Variants in ARHGEF16 observed in about 807,000 individuals in gnomAD.
ARHGEF16 encodes the protein Rho guanine exchange factor (GEF) 16.
ARHGEF16 carries 59 observed loss-of-function variants against 74.1 expected under a neutral mutation model. That is an observed-to-expected ratio of 0.80 (90% CI 0.65 to 0.99). The LOEUF (loss-of-function observed/expected upper bound fraction) is 0.99. Ranked by LOEUF, ARHGEF16 falls within the 50% of genes least tolerant of loss-of-function variation. The pLI, the probability that ARHGEF16 is intolerant of heterozygous loss-of-function variation, is 0.00. For synonymous variants in ARHGEF16, 415 were observed against 412.6 expected, an observed-to-expected ratio of 1.01 and a Z score of -0.07; for missense variants, 948 against 986.6, an observed-to-expected ratio of 0.96 and a Z score of 0.52.
intron 4 of ARHGEF16, 155 bp from the exon 5 acceptor site, chr1:3,468,725 G>T: frequency 1.3e-6 from 1 of 770,650 alleles, no homozygotes; most frequent in South Asian, 1.7e-5. Context: ...ATAGGCCCTC[G>T]GCAGGACAGG....
Position 3,475,950 on chromosome 1 carries a change from A to T in ARHGEF16, c.1381-20A>T. 6.5e-7 allele frequency: 1 copy of T among 1,547,286 alleles called. No individual in the cohort carries two copies. The highest frequency in any genetic ancestry group is 1.2e-5 in the South Asian group (1 of 83,540). On this transcript the variant is annotated intron_variant, in intron 9 of 14. Transcript: ENST00000378378. ...GGGCCCTGTAGCACCAGCCTCTCAC[A>T]CGGGAACCATGCCCTGCAGCTGGTG... is the stretch of plus-strand genomic sequence containing the variant.
At chr1:3,458,812 C>A (rs1315375393) in intron 1 of ARHGEF16, among the ~76,000 whole-genome samples, 1 of 152,202 alleles carries the variant, frequency 6.6e-6, no homozygotes, top group African/African-American at 2.4e-5. Flanking sequence ...GTAATCCTTC[C>A]TCTCTAAGAC....
rs1186133920 is a variant in ARHGEF16, at chr1:3,477,968, CGGCCAACGTGCTACCTTTTCCTGTT to C, written c.1568_1592del (p.Arg523ProfsTer7). 11 of 1,612,602 alleles carry C rather than the reference CGGCCAACGTGCTACCTTTTCCTGTT, an allele frequency of 6.8e-6. No individual in the cohort carries two copies. Among genetic ancestry groups the C allele is most frequent in the Non-Finnish European group, 9.3e-6 (11 of 1,179,930 alleles). On this transcript the variant is annotated frameshift_variant, in exon 11 of 15. Transcript: ENST00000378378. LOFTEE classifies it high-confidence loss of function. ...CGGACTTTTTCGAAAAATTGCCAGCCGGCCAACGTGCTACCTTTTCCTGTTCAACGATGTCCTGGTTGTGACCAAG... is the reference window on the plus strand; with the variant it reads ...CGGACTTTTTCGAAAAATTGCCAGCCCAACGATGTCCTGGTTGTGACCAAG...
chr1:3,455,698 G>A (rs1639251622), intron 1 of ARHGEF16, among the ~76,000 whole-genome samples: 1 of 152,144 alleles, frequency 6.6e-6, no homozygotes, highest in South Asian at 2.1e-4. Context: ...CTGGCTGGGG[G>A]TCCAGCAAGA....
intron 6 of ARHGEF16, 141 bp downstream of exon 6, chr1:3,469,734 C>T: frequency 1.7e-6 from 2 of 1,211,996 alleles, no homozygotes; most frequent in Non-Finnish European, 2.3e-6. Flanking sequence ...CTGCTGGCTC[C>T]CGCGGAGTGT....
At chr1:3,461,029 C>A (rs986229989) in intron 1 of ARHGEF16, among the ~76,000 whole-genome samples, 2 of 152,158 alleles carry the variant, frequency 1.3e-5, no homozygotes, top group Admixed American at 6.5e-5. Context: ...AACCTCCCTG[C>A]AGGAAGTGAC....
chr1:3,473,084 C>A lies in ARHGEF16; in HGVS notation c.1029C>A (p.Phe343Leu). The stretch of plus-strand genomic sequence containing the variant: ...CACCCCTCCTTGCCTTCAGGTTCTT[C>A]GAGGACCTGGAGCAGCGGCACAAGG... Reference protein sequence around the residue: ...LDVLGASQRFFEDLEQRHKAQ... With the variant: ...LDVLGASQRFLEDLEQRHKAQ... Residue 343 changes from phenylalanine to leucine, a missense_variant, in exon 7 of 15, where the codon TTC (phenylalanine) becomes TTA (leucine). Transcript: ENST00000378378. 1 of 1,612,380 alleles carries A rather than the reference C, an allele frequency of 6.2e-7. No homozygotes were observed.
In ARHGEF16 at chr1:3,467,332, C is replaced by G; in HGVS notation, c.799C>G (p.Pro267Ala). The change falls in exon 4 of 15, where the codon CCA becomes GCA. Residue 267 changes from proline (P) to alanine (A), a missense_variant. Transcript: ENST00000378378. ...CGCCCAGGTCACCTGGAGCCAGCTC[C>G]CAGAGGTAGCGCCGGAGGGTGGGTG... ...RPAQVTWSQL[P>A]EVVELGILDQ... 7 of 1,548,920 alleles carry G rather than the reference C, an allele frequency of 4.5e-6. No individual in the cohort carries two copies. The highest frequency in any genetic ancestry group is 6.1e-6 in the Non-Finnish European group (7 of 1,146,012).
intron 1 of ARHGEF16, among the ~76,000 whole-genome samples, chr1:3,457,779 T>G (rs916739099): frequency 6.6e-6 from 1 of 152,186 alleles, no homozygotes; most frequent in Non-Finnish European, 1.5e-5. Flanking sequence ...GGATTCCGCC[T>G]GCTCGCCTCT....
intron 12 of ARHGEF16, among the ~76,000 whole-genome samples, chr1:3,479,075 A>G (rs1291163047): frequency 1.3e-5 from 2 of 152,138 alleles, no homozygotes; most frequent in Non-Finnish European, 2.9e-5. Context: ...TGGTCCTGGC[A>G]CTCAGAATGG....
In ARHGEF16 at chr1:3,463,173, A is replaced by T. The variant is rs1013540948; in HGVS notation, c.89A>T (p.Asn30Ile). 8 of 1,523,830 alleles carry T rather than the reference A, an allele frequency of 5.2e-6. No homozygotes were observed. The highest frequency in any genetic ancestry group is 4.2e-5 in the African/African-American group (3 of 71,902). The allele number at this position is 1,523,830 out of a possible 1,614,324, so 94.4% of individuals were successfully genotyped here. The change falls in exon 2 of 15, where the codon AAC becomes ATC. Residue 30 changes from asparagine to isoleucine, a missense_variant. By Grantham distance (149) the Asn-to-Ile change is moderately radical. Coordinates refer to ENST00000378378, the MANE Select transcript of ARHGEF16 (RefSeq NM_014448.4). ...HSELRLDAGG[N>I]PASGLPMVRG... ...GAGCTCCGGCTCGATGCCGGGGGGA[A>T]CCCAGCCTCCGGGCTCCCAATGGTC...
intron 2 of ARHGEF16, among the ~76,000 whole-genome samples, chr1:3,465,011 GCCTA>G (rs1361295513): frequency 6.6e-6 from 1 of 152,200 alleles, no homozygotes; most frequent in East Asian, 1.9e-4. Flanking sequence ...TCTCTCTTGT[GCCTA>G]CCTGAGACGC....
intron 6 of ARHGEF16, among the ~76,000 whole-genome samples, chr1:3,472,290 G>C (rs753335520): frequency 6.6e-6 from 1 of 152,248 alleles, no homozygotes; most frequent in Non-Finnish European, 1.5e-5. Flanking sequence ...GGCCGTGGCC[G>C]CCCATGGGGG....
chr1:3,477,840 G>C lies in ARHGEF16; in HGVS notation c.1474-35G>C, dbSNP rs111939802. On this transcript the variant is annotated intron_variant, in intron 10 of 14. Transcript: ENST00000378378. ...CCGGCTCTGTCCCCCCCAGTCCCTC[G>C]CACTGATCTCCGCCTCCCGGCTCTG... 2.6e-5 allele frequency: 41 copies of C among 1,605,608 alleles called. No individual in the cohort carries two copies. In the East Asian group the frequency reaches 7.6e-4, roughly 30 times the overall value.
intron 1 of ARHGEF16, among the ~76,000 whole-genome samples, chr1:3,455,453 T>A (rs1361012680): frequency 1.3e-5 from 2 of 152,086 alleles, no homozygotes; most frequent in Non-Finnish European, 2.9e-5. Flanking sequence ...GCGTCCCACC[T>A]ACCAGGGAGC....
Position 3,478,483 on chromosome 1 carries a change from T to C in ARHGEF16, c.1685T>C (p.Ile562Thr). The change falls in exon 12 of 15, where the codon ATA becomes ACA. Residue 562 changes from isoleucine to threonine, a missense_variant. Physicochemically the swap from Ile to Thr is moderately conservative, Grantham distance 89. Transcript: ENST00000378378. Reference sequence around the variant, plus strand: ...ATGAACCACATCCAGGTGGAGAAGATAGAGCCGTCTGAGCTCCCTCTGCCC... The same window carrying C: ...ATGAACCACATCCAGGTGGAGAAGACAGAGCCGTCTGAGCTCCCTCTGCCC... The part of the protein sequence containing the change: ...AQMNHIQVEK[I>T]EPSELPLPGG... 1 of 1,612,536 alleles carries C rather than the reference T, an allele frequency of 6.2e-7. No individual in the cohort carries two copies. The highest frequency in any genetic ancestry group is 8.5e-7 in the Non-Finnish European group (1 of 1,179,820).
Position 3,467,334 on chromosome 1 carries a change from A to T in ARHGEF16, c.801A>T (p.Pro267=), listed in dbSNP as rs6424078. 6.5e-7 allele frequency: 1 copy of T among 1,548,382 alleles called. No individual in the cohort carries two copies. The highest frequency in any genetic ancestry group is 8.7e-7 in the Non-Finnish European group (1 of 1,145,758). The change falls in exon 4 of 15, where the codon CCA becomes CCT. Residue 267 remains proline (P), a synonymous_variant. Coordinates refer to ENST00000378378, the MANE Select transcript of ARHGEF16 (RefSeq NM_014448.4). ...RPAQVTWSQL[P]EVVELGILDQ... is the part of the protein sequence containing the mutation. ...CCCAGGTCACCTGGAGCCAGCTCCC[A>T]GAGGTAGCGCCGGAGGGTGGGTGAG... is the stretch of plus-strand genomic sequence containing the variant.
chr1:3,473,180 C>T lies in ARHGEF16; in HGVS notation c.1125C>T (p.Ile375=), dbSNP rs769792121. 2.4e-5 allele frequency: 39 copies of T among 1,613,138 alleles called. No individual in the cohort carries two copies. The African/African-American group carries it at 2.7e-4, about 11-fold the overall frequency. Reference sequence around the variant, plus strand: ...CTGAGAAGCACTTCCACCCCTACATCGCCTACTGCTCCAACGAGGTCTACC... The same window carrying T: ...CTGAGAAGCACTTCCACCCCTACATTGCCTACTGCTCCAACGAGGTCTACC... The part of the protein sequence containing the change: ...EHAEKHFHPY[I]AYCSNEVYQQ... The change falls in exon 7 of 15, where the codon ATC becomes ATT. Residue 375 remains isoleucine, a synonymous_variant. Transcript: ENST00000378378.
intron 8 of ARHGEF16, 54 bp from the exon 9 acceptor site, chr1:3,474,654 C>T: frequency 6.4e-7 from 1 of 1,553,974 alleles, no homozygotes; most frequent in South Asian, 1.1e-5. Context: ...GTGGGAGCCT[C>T]CACACCTGGG....
Sources: allele counts gnomAD v4.1 joint callset (sites outside exome capture counted in the v4.1 genomes callset), GRCh38; gene constraint gnomAD v4.1.1; transcripts MANE v1.5; gene names NCBI Gene and HGNC (gene_info 2026-07-23, HGNC 2026-07-21).